Variants in PRKAR1B observed in about 807,000 individuals in gnomAD.
The protein encoded by PRKAR1B is protein kinase cAMP-dependent type I regulatory subunit beta.
Under a neutral mutation model 46.5 loss-of-function variants are expected in PRKAR1B, and 22 were observed. The observed-to-expected ratio is 0.47, with a 90% CI of 0.34 to 0.68. The LOEUF is 0.68. Ranked by LOEUF, PRKAR1B falls within the 30% of genes least tolerant of loss-of-function variation. PRKAR1B has a pLI of 0.01. For synonymous variants in PRKAR1B, 259 were observed against 217.7 expected (o/e 1.19, Z -1.67); for missense variants, 445 against 535.6 (o/e 0.83, Z 1.67).
intron 2 of PRKAR1B, among the ~76,000 whole-genome samples, chr7:707,756 G>A (rs117886981): frequency 0.011 from 1,684 of 152,248 alleles, 25 homozygotes; most frequent in East Asian, 0.1. Flanking sequence ...CCCGCGATGC[G>A]TCTACCAGCC....
intron 2 of PRKAR1B, among the ~76,000 whole-genome samples, chr7:690,222 G>A (rs1326630129): frequency 6.6e-6 from 1 of 151,834 alleles, no homozygotes; most frequent in Non-Finnish European, 1.5e-5. Context: ...CTTGAACCCA[G>A]GAGGCAGACG....
At chr7:654,221 TTCATCACCATCATCACCATCC>T (rs1456038423) in intron 4 of PRKAR1B, among the ~76,000 whole-genome samples, 11 of 138,616 alleles carry the variant, frequency 7.9e-5, no homozygotes, top group Non-Finnish European at 1.4e-4. Flanking sequence ...TATCACCATC[TTCATCACCATCATCACCATCC>T]TCATCACCAT....
intron 7 of PRKAR1B, among the ~76,000 whole-genome samples, chr7:588,492 AGGATAGTGACAG>A (rs1780733697): frequency 7.0e-6 from 1 of 142,306 alleles, no homozygotes; most frequent in African/African-American, 2.7e-5. Flanking sequence ...GATGGTGGTG[AGGATAGTGACAG>A]TGGTGATCAC....
chr7:726,967 C>T lies in PRKAR1B; in HGVS notation c.-23+243G>A, dbSNP rs1368397849. On this transcript the variant is annotated intron_variant, in intron 1 of 10. Coordinates refer to ENST00000537384, the MANE Select transcript of PRKAR1B (RefSeq NM_001164760.2). ...GCGCCTACTGCTGCCGCGCTTGCTG[C>T]GCTGCCTGAGCGACCCCGCCGAGGG... The T allele has an allele frequency of 4.6e-5, 60 of 1,314,896 alleles. No individual in the cohort carries two copies. The highest frequency in any genetic ancestry group is 1.1e-5 in the Non-Finnish European group (11 of 1,027,466). The allele number at this position is 1,314,896 out of a possible 1,614,324, so 81.5% of individuals were successfully genotyped here.
intron 4 of PRKAR1B, among the ~76,000 whole-genome samples, chr7:646,323 C>G (rs186008442): frequency 1.3e-5 from 2 of 152,236 alleles, no homozygotes; most frequent in Non-Finnish European, 2.9e-5. Flanking sequence ...GGATTACAGG[C>G]GTGAGCCACC....
chr7:642,196 G>A (rs1402145261), intron 4 of PRKAR1B, among the ~76,000 whole-genome samples: 1 of 152,084 alleles, frequency 6.6e-6, no homozygotes, highest in African/African-American at 2.4e-5. Context: ...GCACCCACCC[G>A]ACTCCGTTTA....
At position 723,259 on chromosome 7, in the gene PRKAR1B, G is replaced by C. The variant is rs992190378; in HGVS notation, c.-23+3951C>G. Among the ~76,000 whole-genome samples, 17 of 152,306 alleles carry C rather than the reference G, an allele frequency of 1.1e-4. No individual in the cohort carries two copies. In the South Asian group the frequency reaches 3.3e-3, roughly 30 times the overall value. On this transcript the variant is annotated intron_variant, in intron 1 of 10. Transcript: ENST00000537384. ...AAATCGGCCCTGAAAGCAGACTGTGGGGTGAAGGTGGCAGCTACCCTCTAG... is the reference window on the plus strand; with the variant it reads ...AAATCGGCCCTGAAAGCAGACTGTGCGGTGAAGGTGGCAGCTACCCTCTAG...
chr7:554,948 T>C (rs1192932905), intron 9 of PRKAR1B, among the ~76,000 whole-genome samples: 1 of 152,192 alleles, frequency 6.6e-6, no homozygotes, highest in African/African-American at 2.4e-5. Flanking sequence ...CTCTGGGACC[T>C]CGGGGAGGTG....
At chr7:635,738 C>G (rs1003314670) in intron 4 of PRKAR1B, among the ~76,000 whole-genome samples, 1 of 152,096 alleles carries the variant, frequency 6.6e-6, no homozygotes, top group Non-Finnish European at 1.5e-5. Flanking sequence ...GGGGAAGCCT[C>G]AGGTTTTCTG....
intron 2 of PRKAR1B, among the ~76,000 whole-genome samples, chr7:700,715 G>GT (rs1344588237): frequency 1.3e-5 from 2 of 151,888 alleles, no homozygotes; most frequent in Non-Finnish European, 2.9e-5. Flanking sequence ...AGGAGGAGGA[G>GT]TAGGAAGAGG....
At chr7:728,638 C>T (rs576451008), upstream of PRKAR1B, among the ~76,000 whole-genome samples, 34 of 152,342 alleles carry the variant, frequency 2.2e-4, no homozygotes, top group African/African-American at 3.1e-4. Flanking sequence ...CACTTCCCTA[C>T]CCAGTCTGTA....
chr7:708,783 G>A (rs924476257), intron 2 of PRKAR1B, among the ~76,000 whole-genome samples: 4 of 149,226 alleles, frequency 2.7e-5, no homozygotes, highest in Admixed American at 6.7e-5. Flanking sequence ...CACTGTGCCC[G>A]GCCCCAATTT....
intron 9 of PRKAR1B, among the ~76,000 whole-genome samples, chr7:575,462 G>C (rs1485316158): frequency 6.6e-6 from 1 of 152,228 alleles, no homozygotes; most frequent in Non-Finnish European, 1.5e-5. Context: ...ACCTAAGCCA[G>C]CCCAGCATCA....
chr7:685,198 G>A (rs1252764153), intron 2 of PRKAR1B, among the ~76,000 whole-genome samples: 1 of 143,156 alleles, frequency 7.0e-6, no homozygotes. Context: ...AACCATGTCT[G>A]TATATACATA....
intron 7 of PRKAR1B, among the ~76,000 whole-genome samples, chr7:595,098 G>A (rs889695880): frequency 4.6e-5 from 7 of 152,182 alleles, no homozygotes; most frequent in African/African-American, 7.2e-5. Context: ...CAGAAGCTGC[G>A]GGTCCTCGGC....
intron 6 of PRKAR1B, among the ~76,000 whole-genome samples, chr7:597,745 C>G (rs1014603479): frequency 6.6e-6 from 1 of 152,194 alleles, no homozygotes; most frequent in Non-Finnish European, 1.5e-5. Flanking sequence ...CTGCGATGGC[C>G]GGGGCACAGC....
Position 550,395 on chromosome 7 carries a change from ACTGGGGAG to A in PRKAR1B, c.*27_*34del. ...CAGACGAGCAGGGCACGGCCACCAC[ACTGGGGAG>A]CTGGGGCTGCAGGGCGGGAGCTGTG... On this transcript the variant is annotated 3_prime_UTR_variant, in exon 11 of 11. Transcript: ENST00000537384. 1 of 1,560,636 alleles carries A rather than the reference ACTGGGGAG, an allele frequency of 6.4e-7. No homozygotes were observed. The highest frequency in any genetic ancestry group is 8.7e-7 in the Non-Finnish European group (1 of 1,151,748).
chr7:570,472 G>A (rs1482799202), intron 9 of PRKAR1B, among the ~76,000 whole-genome samples: 1 of 151,982 alleles, frequency 6.6e-6, no homozygotes, highest in Non-Finnish European at 1.5e-5. Context: ...AGGCTGTCAG[G>A]ATGCCCTCCA....
At chr7:660,767 TC>T (rs1785487461) in intron 4 of PRKAR1B, among the ~76,000 whole-genome samples, 1 of 36,250 alleles carries the variant, frequency 2.8e-5, no homozygotes, top group African/African-American at 1.1e-4. Context: ...TACTCTCCCC[TC>T]CATAGCACAG....
Sources: allele counts gnomAD v4.1 joint callset (sites outside exome capture counted in the v4.1 genomes callset), GRCh38; gene constraint gnomAD v4.1.1; transcripts MANE v1.5; gene names NCBI Gene and HGNC (gene_info 2026-07-23, HGNC 2026-07-21).